Variants in LTBP1 observed in about 807,000 individuals in gnomAD.
LTBP1 encodes the protein latent-transforming growth factor beta-binding protein 1.
A neutral mutation model predicts 207.6 loss-of-function variants in LTBP1; 129 were observed. The observed-to-expected ratio is 0.62, with a 90% CI of 0.54 to 0.72. The LOEUF (loss-of-function observed/expected upper bound fraction) is 0.72. Among genes scored for constraint, LTBP1 ranks in the 30% least tolerant of loss-of-function variants. The pLI is 0.00. For synonymous variants in LTBP1, 963 were observed against 833.7 expected (o/e 1.16, Z -2.67); for missense variants, 2,281 against 2,217.2 (o/e 1.03, Z -0.58).
At chr2:33,246,628 G>A (rs2092522225) in intron 10 of LTBP1, among the ~76,000 whole-genome samples, 1 of 152,106 alleles carries the variant, frequency 6.6e-6, no homozygotes, top group Admixed American at 6.5e-5. Context: ...ATGAATTTAG[G>A]CCATATCCAG....
intron 9 of LTBP1, among the ~76,000 whole-genome samples, chr2:33,226,389 G>C (rs57095191): frequency 0.085 from 12,959 of 152,252 alleles, 1,241 homozygotes; most frequent in African/African-American, 0.24. Context: ...TAGCCTGAGA[G>C]GGTTTTTGGC....
intron 7 of LTBP1, among the ~76,000 whole-genome samples, chr2:33,207,732 G>A (rs2089990842): frequency 6.6e-6 from 1 of 152,184 alleles, no homozygotes; most frequent in South Asian, 2.1e-4. Context: ...AGCGATAGGG[G>A]TTAGAGATTT....
intron 10 of LTBP1, among the ~76,000 whole-genome samples, chr2:33,250,813 C>T (rs1281966349): frequency 6.6e-6 from 1 of 152,154 alleles, no homozygotes; most frequent in Non-Finnish European, 1.5e-5. Context: ...CAGGCCCACC[C>T]AACGTACCAC....
chr2:33,083,330 G>GA (rs538687413), intron 3 of LTBP1, among the ~76,000 whole-genome samples: 113 of 151,208 alleles, frequency 7.5e-4, no homozygotes, highest in African/African-American at 2.3e-3. Flanking sequence ...GTACCAGAAA[G>GA]AAAAAAAAAT....
chr2:33,309,528 T>G lies in LTBP1; in HGVS notation c.3576T>G (p.Phe1192Leu). The G allele has an allele frequency of 6.2e-7, 1 of 1,609,326 alleles. No individual in the cohort carries two copies. The highest frequency in any genetic ancestry group is 1.1e-5 in the South Asian group (1 of 89,780). ...GSYDCTCPDG[F>L]QLDDNKTCQD... ...ATGATTGTACTTGTCCGGATGGATT[T>G]CAGCTAGATGACAATAAAACATGTC... Residue 1192 changes from phenylalanine to leucine, a missense_variant, in exon 23 of 34, where the codon TTT becomes TTG. Physicochemically the swap from Phe to Leu is conservative, Grantham distance 22. Around this residue, in one of 3 missense-constraint regions of LTBP1, gnomAD observed 1,671 missense variants for 1,634.8 expected, o/e 1.02. Transcript: ENST00000404816.
rs552004748 is a variant in LTBP1 at position 33,350,002 on chromosome 2, G to C, written c.4000+2492G>C. On this transcript the variant is annotated intron_variant, in intron 26 of 33. Coordinates refer to ENST00000404816, the MANE Select transcript of LTBP1 (RefSeq NM_206943.4). ...TTTTACAGAGGGCAAGAAAACATCA[G>C]TTAACACAAGTTGGTTAAATGTAGG... Among the ~76,000 whole-genome samples, 6 of 152,288 alleles carry C rather than the reference G, an allele frequency of 3.9e-5. No individual in the cohort carries two copies. In the South Asian group the frequency reaches 1.2e-3, roughly 32 times the overall value.
At chr2:33,170,507 C>G (rs1344227360) in intron 5 of LTBP1, among the ~76,000 whole-genome samples, 4 of 152,342 alleles carry the variant, frequency 2.6e-5, no homozygotes, top group Admixed American at 1.3e-4. Context: ...CCTGGAAGCT[C>G]GAACTGGGTG....
At chr2:33,202,728 A>G (rs969555374) in intron 7 of LTBP1, among the ~76,000 whole-genome samples, 2 of 152,234 alleles carry the variant, frequency 1.3e-5, no homozygotes, top group African/African-American at 4.8e-5. Context: ...GGCAGAGGTG[A>G]ATTGTGGCTC....
chr2:32,985,727 C>A (rs918227594), intron 2 of LTBP1, among the ~76,000 whole-genome samples: 3 of 152,182 alleles, frequency 2.0e-5, no homozygotes, highest in Admixed American at 6.5e-5. Flanking sequence ...AGGTACATGT[C>A]AACATGGAAG....
chr2:33,052,408 A>G (rs1400946416), intron 3 of LTBP1, among the ~76,000 whole-genome samples: 2 of 152,260 alleles, frequency 1.3e-5, no homozygotes, highest in Non-Finnish European at 2.9e-5. Flanking sequence ...TTTAAACATC[A>G]TCTCTGTAAG....
chr2:33,120,937 C>G (rs1455060272), intron 4 of LTBP1, among the ~76,000 whole-genome samples: 1 of 152,186 alleles, frequency 6.6e-6, no homozygotes, highest in African/African-American at 2.4e-5. Flanking sequence ...CTCAGACTTA[C>G]ATGCAGTTTC....
chr2:33,069,480 T>C (rs1045392239), intron 3 of LTBP1, among the ~76,000 whole-genome samples: 4 of 152,220 alleles, frequency 2.6e-5, no homozygotes, highest in African/African-American at 9.6e-5. Context: ...CTGAGCTGCC[T>C]GCCCCAGAGT....
At chr2:33,135,599 T>C (rs1475577764) in intron 5 of LTBP1, among the ~76,000 whole-genome samples, 2 of 150,308 alleles carry the variant, frequency 1.3e-5, no homozygotes, top group Non-Finnish European at 3.0e-5. Flanking sequence ...GACAGACTGG[T>C]AGATTACTCT....
chr2:33,356,020 G>C (rs535878310), intron 26 of LTBP1, among the ~76,000 whole-genome samples: 1 of 151,698 alleles, frequency 6.6e-6, no homozygotes, highest in Admixed American at 6.6e-5. Context: ...GAACACCAGG[G>C]GTTTGGTCTA....
At chr2:33,388,165 G>A (rs1869449) in intron 31 of LTBP1, among the ~76,000 whole-genome samples, 58,833 of 151,954 alleles carry the variant, frequency 0.39, 13,453 homozygotes, top group African/African-American at 0.65. Flanking sequence ...CAGTAACCCC[G>A]GGACAAATGG....
At chr2:33,178,440 G>GGTGTGT (rs1334341470) in intron 5 of LTBP1, among the ~76,000 whole-genome samples, 1 of 152,168 alleles carries the variant, frequency 6.6e-6, no homozygotes, top group African/African-American at 2.4e-5. Flanking sequence ...CATCTCATCT[G>GGTGTGT]GTGTGTGTGA....
At chr2:32,955,193 T>C (rs547376203) in intron 2 of LTBP1, among the ~76,000 whole-genome samples, 1 of 152,340 alleles carries the variant, frequency 6.6e-6, no homozygotes, top group Non-Finnish European at 1.5e-5. Flanking sequence ...TGTGGGAATT[T>C]AAAGGCCAAC....
intron 2 of LTBP1, among the ~76,000 whole-genome samples, chr2:32,962,064 A>C (rs1679206372): frequency 6.6e-6 from 1 of 151,990 alleles, no homozygotes; most frequent in African/African-American, 2.4e-5. Flanking sequence ...GTGTTGGTGC[A>C]TTTCTTGTCT....
intron 5 of LTBP1, among the ~76,000 whole-genome samples, chr2:33,159,840 A>T (rs112066055): frequency 2.1e-4 from 32 of 152,296 alleles, no homozygotes; most frequent in African/African-American, 7.5e-4. Flanking sequence ...TATTATTTCC[A>T]TGTACCGATT....
Sources: allele counts gnomAD v4.1 joint callset (sites outside exome capture counted in the v4.1 genomes callset), GRCh38; gene constraint gnomAD v4.1.1; regional missense constraint gnomAD v4.1.1; transcripts MANE v1.5; gene names NCBI Gene and HGNC (gene_info 2026-07-23, HGNC 2026-07-21).